The following KIRREL3 variants were observed in gnomAD, a reference collection of about 807,000 sequenced individuals.
KIRREL3 encodes kin of IRRE-like protein 3.
In KIRREL3, 36 loss-of-function variants were observed where a neutral mutation model predicts 89.7. That is an observed-to-expected ratio of 0.40 (90% CI 0.31 to 0.53). The LOEUF (loss-of-function observed/expected upper bound fraction) is 0.53, where lower values mean the gene tolerates loss of function less well. Among genes scored for constraint, KIRREL3 ranks in the 20% least tolerant of loss-of-function variants. The pLI is 0.49. For missense variants in KIRREL3, 864 were observed against 1,056.6 expected (o/e 0.82, Z 2.53); for synonymous variants, 445 against 441.4 (o/e 1.01, Z -0.10).
chr11:126,916,531 C>T (rs917855368), intron 1 of KIRREL3, among the ~76,000 whole-genome samples: 5 of 152,132 alleles, frequency 3.3e-5, no homozygotes, highest in African/African-American at 1.2e-4. Context: ...AAAGACACTT[C>T]TTAACATCCT....
Position 126,432,946 on chromosome 11 carries a change from T to C in KIRREL3, c.1589-1420A>G, listed in dbSNP as rs1395841109. 2.0e-5 allele frequency among the ~76,000 whole-genome samples: 3 copies of C among 152,188 alleles called. No homozygotes were observed. Among genetic ancestry groups the C allele is most frequent in the Non-Finnish European group, 4.4e-5 (3 of 68,032 alleles). ...CAGGCTGGAGGGCAGTGGCACGATC[T>C]CAGTTCACTGCAACCTCCGCCTCCT... is the stretch of plus-strand genomic sequence containing the variant. On this transcript the variant is annotated intron_variant, in intron 13 of 16. Coordinates refer to ENST00000525144, the MANE Select transcript of KIRREL3 (RefSeq NM_032531.4). This position sits in a 1 kb window ranked among gnomAD's most constrained non-coding sequence, Gnocchi z 6.2.
chr11:126,508,588 C>A lies in KIRREL3; in HGVS notation c.433+12727G>T, dbSNP rs1958101815. On this transcript the variant is annotated intron_variant, in intron 4 of 16. Transcript: ENST00000525144. This position sits in a 1 kb window ranked among gnomAD's most constrained non-coding sequence, Gnocchi z 4.9. ...GGAGTTCCCAGGGGCTAGGAAGAAA[C>A]CTGTTTCATAGTGATGATTTTAGGG... Among the ~76,000 whole-genome samples the A allele has an allele frequency of 6.6e-6, 1 of 152,052 alleles. No homozygotes were observed. Among genetic ancestry groups the A allele is most frequent in the South Asian group, 2.1e-4 (1 of 4,804 alleles).
At chr11:126,815,021 A>C (rs1159551573) in intron 1 of KIRREL3, among the ~76,000 whole-genome samples, 1 of 152,206 alleles carries the variant, frequency 6.6e-6, no homozygotes, top group African/African-American at 2.4e-5. Flanking sequence ...TAGAGGATTC[A>C]TCATTGACAT....
intron 1 of KIRREL3, among the ~76,000 whole-genome samples, chr11:126,821,729 A>T (rs1943233697): frequency 6.6e-6 from 1 of 151,432 alleles, no homozygotes; most frequent in Non-Finnish European, 1.5e-5. Context: ...CAATGTAATC[A>T]CAGGAGTCCT....
rs888291267 is a variant in KIRREL3, at chr11:126,892,704, T to C, written c.55+107751A>G. Among the ~76,000 whole-genome samples the C allele has an allele frequency of 6.6e-6, 1 of 152,178 alleles. No individual in the cohort carries two copies. Among genetic ancestry groups the C allele is most frequent in the African/African-American group, 2.4e-5 (1 of 41,442 alleles). ...GTTGATTTCATCTCCAGTAGCCAAG[T>C]AGAAACTACAGCATGACCTGACTTC... On this transcript the variant is annotated intron_variant, in intron 1 of 16. Transcript: ENST00000525144. The surrounding 1 kb of genome is among the most constrained non-coding windows in gnomAD (Gnocchi z 5.4).
chr11:126,678,245 T>C (rs575063249), intron 1 of KIRREL3, among the ~76,000 whole-genome samples: 1 of 152,200 alleles, frequency 6.6e-6, no homozygotes, highest in South Asian at 2.1e-4. Context: ...TTAAAACTAG[T>C]AATATGTGAT....
At chr11:126,735,566 G>A (rs146799001) in intron 1 of KIRREL3, among the ~76,000 whole-genome samples, 11 of 152,308 alleles carry the variant, frequency 7.2e-5, no homozygotes, top group African/African-American at 2.6e-4. Context: ...AATGTGCGTC[G>A]GGGAATTGGG....
At chr11:126,618,910 G>T (rs560066560) in intron 1 of KIRREL3, among the ~76,000 whole-genome samples, 1 of 152,262 alleles carries the variant, frequency 6.6e-6, no homozygotes, top group East Asian at 1.9e-4. Context: ...ATCCTGCATT[G>T]GTTCACCCAA....
chr11:126,948,107 C>T lies in KIRREL3; in HGVS notation c.55+52348G>A, dbSNP rs572192220. Among the ~76,000 whole-genome samples the T allele has an allele frequency of 8.5e-5, 13 of 152,122 alleles. No individual in the cohort carries two copies. Among genetic ancestry groups the T allele is most frequent in the East Asian group, 3.9e-4 (2 of 5,192 alleles). On this transcript the variant is annotated intron_variant, in intron 1 of 16. Transcript: ENST00000525144. The surrounding 1 kb of genome is among the most constrained non-coding windows in gnomAD (Gnocchi z 4.5). ...TACATATTATTGGATGTTAAACTAC[C>T]GTGTAATTGATTTTCTATCCATTGC...
Position 126,796,463 on chromosome 11 carries a change from C to T in KIRREL3, c.55+203992G>A, listed in dbSNP as rs1950815525. On this transcript the variant is annotated intron_variant, in intron 1 of 16. Coordinates refer to ENST00000525144, the MANE Select transcript of KIRREL3 (RefSeq NM_032531.4). The surrounding 1 kb of genome is among the most constrained non-coding windows in gnomAD (Gnocchi z 5.1). ...CGCAGTTGTGGGTAACTGGCCTTCA[C>T]CTTAAATATAGCAAGTTACTTGAAT... Among the ~76,000 whole-genome samples, 1 of 152,062 alleles carries T rather than the reference C, an allele frequency of 6.6e-6. No homozygotes were observed. Among genetic ancestry groups the T allele is most frequent in the Non-Finnish European group, 1.5e-5 (1 of 68,014 alleles).
At position 126,897,168 on chromosome 11, in the gene KIRREL3, G is replaced by A. The variant is rs1488306456; in HGVS notation, c.55+103287C>T. Among the ~76,000 whole-genome samples the A allele has an allele frequency of 6.6e-6, 1 of 152,138 alleles. No individual in the cohort carries two copies. The highest frequency in any genetic ancestry group is 1.5e-5 in the Non-Finnish European group (1 of 68,036). On this transcript the variant is annotated intron_variant, in intron 1 of 16. Transcript: ENST00000525144. The surrounding 1 kb of genome is among the most constrained non-coding windows in gnomAD (Gnocchi z 4.2). The stretch of plus-strand genomic sequence containing the variant: ...CTTCTGGTCACCCTGGGTCAGAGGA[G>A]CACAGGTGGTCCCATGGGGAAGGGC...
chr11:126,854,113 A>C (rs1702311120), intron 1 of KIRREL3, among the ~76,000 whole-genome samples: 1 of 141,936 alleles, frequency 7.0e-6, no homozygotes, highest in Middle Eastern at 3.3e-3. Context: ...AAACTCTTCC[A>C]GTAATAAGTT....
rs557565745 is a variant in KIRREL3, at chr11:126,575,275, C to A, written c.56-12363G>T. 1.3e-5 allele frequency among the ~76,000 whole-genome samples: 2 copies of A among 152,140 alleles called. No individual in the cohort carries two copies. Among genetic ancestry groups the A allele is most frequent in the Non-Finnish European group, 2.9e-5 (2 of 68,022 alleles). On this transcript the variant is annotated intron_variant, in intron 1 of 16. Coordinates refer to ENST00000525144, the MANE Select transcript of KIRREL3 (RefSeq NM_032531.4). This position sits in a 1 kb window ranked among gnomAD's most constrained non-coding sequence, Gnocchi z 7.0. ...GGCTCCTGAGGCCAAGAGAAGCCAG[C>A]CTAGGAAGGTTGGACCATTGATCCC... is the stretch of plus-strand genomic sequence containing the variant.
At position 126,540,646 on chromosome 11, in the gene KIRREL3, G is replaced by T. The variant is rs540026810; in HGVS notation, c.134-13959C>A. On this transcript the variant is annotated intron_variant, in intron 2 of 16. Transcript: ENST00000525144. Reference sequence around the variant, plus strand: ...CCATCGATCCAGCCAAGGCCTGGATGCCACGAAGACACTGATAAGTGCTGC... The same window carrying T: ...CCATCGATCCAGCCAAGGCCTGGATTCCACGAAGACACTGATAAGTGCTGC... Among the ~76,000 whole-genome samples the T allele has an allele frequency of 3.3e-5, 5 of 152,350 alleles. No individual in the cohort carries two copies. In the South Asian group the frequency reaches 1.0e-3, roughly 32 times the overall value.
chr11:126,925,436 G>A (rs1180904465), intron 1 of KIRREL3, among the ~76,000 whole-genome samples: 1 of 152,214 alleles, frequency 6.6e-6, no homozygotes, highest in Non-Finnish European at 1.5e-5. Flanking sequence ...CATAGGCCTG[G>A]AGACACAGAG....
intron 1 of KIRREL3, among the ~76,000 whole-genome samples, chr11:126,914,250 C>T (rs1946946714): frequency 6.6e-6 from 1 of 152,116 alleles, no homozygotes; most frequent in South Asian, 2.1e-4. Context: ...CCACTTGTGA[C>T]ATGAAAGAGG....
chr11:126,549,278 C>T (rs1939067244), intron 2 of KIRREL3: 1 of 152,208 alleles, frequency 6.6e-6, no homozygotes, highest in South Asian at 2.1e-4. Flanking sequence ...CCAGTAACAA[C>T]ACAGTTTCCA....
In KIRREL3 at chr11:126,428,100, C is replaced by T. The variant is rs1012104067; in HGVS notation, c.1806+1079G>A. 5.3e-5 allele frequency among the ~76,000 whole-genome samples: 8 copies of T among 152,192 alleles called. No individual in the cohort carries two copies. In the South Asian group the frequency reaches 6.2e-4, roughly 12 times the overall value. On this transcript the variant is annotated intron_variant, in intron 15 of 16. Transcript: ENST00000525144. This position sits in a 1 kb window ranked among gnomAD's most constrained non-coding sequence, Gnocchi z 6.4. ...CTGCTCACCCTCTAGCAACATAAACCGCTAATATTTCTTGAGCACTTATTG... is the reference window on the plus strand; with the variant it reads ...CTGCTCACCCTCTAGCAACATAAACTGCTAATATTTCTTGAGCACTTATTG...
chr11:126,928,513 A>T (rs1199317858), intron 1 of KIRREL3, among the ~76,000 whole-genome samples: 5 of 152,066 alleles, frequency 3.3e-5, no homozygotes, highest in African/African-American at 1.2e-4. Flanking sequence ...TTGAGAAAAG[A>T]GGCCCTGCAG....
Sources: allele counts gnomAD v4.1 joint callset (sites outside exome capture counted in the v4.1 genomes callset), GRCh38; gene constraint gnomAD v4.1.1; non-coding constraint Gnocchi (gnomAD v3.1); transcripts MANE v1.5; gene names NCBI Gene and HGNC (gene_info 2026-07-23, HGNC 2026-07-21).